NLRC3: variants seen among roughly 807,000 people sequenced by gnomAD.
NLRC3 encodes the protein NLR family CARD domain containing 3.
A neutral mutation model predicts 91.6 loss-of-function variants in NLRC3; 87 were observed. The observed-to-expected ratio is 0.95, with a 90% CI of 0.80 to 1.14. The LOEUF (loss-of-function observed/expected upper bound fraction) is 1.14, where lower values mean the gene tolerates loss of function less well. NLRC3 is among the 50% of genes most tolerant of loss of function. The pLI, the probability that NLRC3 is intolerant of heterozygous loss-of-function variation, is 0.00. For missense variants in NLRC3, 1,577 were observed against 1,418.6 expected (o/e 1.11, Z -1.79); for synonymous variants, 694 against 625.3 (o/e 1.11, Z -1.64).
intron 10 of NLRC3, among the ~76,000 whole-genome samples, chr16:3,551,073 C>G (rs2038968583): frequency 6.6e-6 from 1 of 151,944 alleles, no homozygotes; most frequent in Non-Finnish European, 1.5e-5. Flanking sequence ...ACCCATCAGT[C>G]CACTTAGCTA....
In NLRC3 at chr16:3,564,817, A is replaced by G; in HGVS notation, c.178+42T>C. 1.9e-6 allele frequency: 3 copies of G among 1,577,824 alleles called. No homozygotes were observed. The highest frequency in any genetic ancestry group is 2.6e-6 in the Non-Finnish European group (3 of 1,163,856). On this transcript the variant is annotated intron_variant, in intron 4 of 19. Transcript: ENST00000359128. The surrounding 1 kb of genome is among the most constrained non-coding windows in gnomAD (Gnocchi z 5.9). The stretch of plus-strand genomic sequence containing the variant: ...AGGGAAGAGTGGGCACAATCAGCCC[A>G]GGTGTTCCCCACCCCGCGTCTGCCT...
chr16:3,554,242 T>C lies in NLRC3; in HGVS notation c.2267A>G (p.His756Arg). 1 of 1,609,030 alleles carries C rather than the reference T, an allele frequency of 6.2e-7. No homozygotes were observed. Among genetic ancestry groups the C allele is most frequent in the Non-Finnish European group, 8.5e-7 (1 of 1,175,334 alleles). The change falls in exon 9 of 20, where the codon CAC becomes CGC. Residue 756 changes from histidine to arginine, a missense_variant and splice_region_variant. Coordinates refer to ENST00000359128, the MANE Select transcript of NLRC3 (RefSeq NM_178844.4). ...LASNRTLSML[H>R]LQKNSIGPMG... The stretch of plus-strand genomic sequence containing the variant: ...GGAGAGAGGAGATGTGTTCACTCAC[T>C]GCAGCATGGAGAGGGTCCGGTTGGA...
At chr16:3,559,053 T>C (rs2039485467) in intron 6 of NLRC3, among the ~76,000 whole-genome samples, 1 of 152,208 alleles carries the variant, frequency 6.6e-6, no homozygotes, top group Non-Finnish European at 1.5e-5. Context: ...ATTACAGGCA[T>C]GAGCCACCGT....
In NLRC3 at chr16:3,564,792, AG is replaced by A; in HGVS notation, c.179-35del. On this transcript the variant is annotated intron_variant, in intron 4 of 19. Coordinates refer to ENST00000359128, the MANE Select transcript of NLRC3 (RefSeq NM_178844.4). The surrounding 1 kb of genome is among the most constrained non-coding windows in gnomAD (Gnocchi z 5.9). ...CAGAGGCCAGTGGGGAGGTCTGGTA[AG>A]GGAAGAGTGGGCACAATCAGCCCAG... The A allele has an allele frequency of 6.4e-7, 1 of 1,566,962 alleles. No individual in the cohort carries two copies. The highest frequency in any genetic ancestry group is 1.7e-5 in the Admixed American group (1 of 57,328).
At chr16:3,556,162 C>G (rs1186392739) in intron 8 of NLRC3, among the ~76,000 whole-genome samples, 1 of 149,386 alleles carries the variant, frequency 6.7e-6, no homozygotes, top group Non-Finnish European at 1.5e-5. Context: ...AAGCTCGTCT[C>G]TACTAAAAAT....
intron 8 of NLRC3, among the ~76,000 whole-genome samples, chr16:3,555,302 T>A (rs1161104276): frequency 6.6e-6 from 1 of 151,564 alleles, no homozygotes; most frequent in Non-Finnish European, 1.5e-5. Flanking sequence ...GGATGAAGCT[T>A]AAAAACATCA....
At chr16:3,557,070 C>G (rs1051837395) in intron 7 of NLRC3, 76 bp from the exon 8 acceptor site, 1 of 1,038,856 alleles carries the variant, frequency 9.6e-7, no homozygotes, top group African/African-American at 1.6e-5. Flanking sequence ...CTGCATTGAC[C>G]TTGAAATTCG....
chr16:3,548,806 CG>C (rs2038837582), intron 13 of NLRC3, 53 bp from the exon 14 acceptor site: 1 of 1,277,872 alleles, frequency 7.8e-7, no homozygotes, highest in Admixed American at 2.1e-5. Flanking sequence ...GTGAAGCCTC[CG>C]GTCCTTGGTC....
At chr16:3,561,486 C>T (rs181910337) in intron 6 of NLRC3, among the ~76,000 whole-genome samples, 32 of 152,302 alleles carry the variant, frequency 2.1e-4, no homozygotes, top group Non-Finnish European at 3.8e-4. Context: ...TGTCTAGTCC[C>T]GCCAGGTCAC....
intron 7 of NLRC3, among the ~76,000 whole-genome samples, chr16:3,557,365 T>C (rs1329339301): frequency 2.0e-5 from 3 of 152,176 alleles, no homozygotes; most frequent in Non-Finnish European, 4.4e-5. Flanking sequence ...GCATGTGCGC[T>C]AAGGTGTGGC....
At chr16:3,554,628 G>C (rs370656651) in intron 8 of NLRC3, among the ~76,000 whole-genome samples, 1 of 152,206 alleles carries the variant, frequency 6.6e-6, no homozygotes, top group Admixed American at 6.5e-5. Flanking sequence ...CCAAGTGTTG[G>C]TGAGAATACA....
chr16:3,569,598 A>T (rs2040026387), intron 1 of NLRC3, among the ~76,000 whole-genome samples: 1 of 151,554 alleles, frequency 6.6e-6, no homozygotes, highest in African/African-American at 2.4e-5. Context: ...GGGTTTCACC[A>T]TGTTGACCAG....
chr16:3,576,099 CAGA>C (rs988161056), intron 1 of NLRC3, among the ~76,000 whole-genome samples: 14 of 150,582 alleles, frequency 9.3e-5, no homozygotes, highest in African/African-American at 3.1e-4. Flanking sequence ...CACCCTGGGA[CAGA>C]AGAAGAGGGG....
rs1192997524 is a variant in NLRC3 at position 3,563,321 on chromosome 16, T to A, written c.1616A>T (p.His539Leu). The change falls in exon 5 of 20, where the codon CAC becomes CTC. Residue 539 changes from histidine to leucine, a missense_variant. His to Leu is a moderately conservative substitution (Grantham distance 99, BLOSUM62 -3). Coordinates refer to ENST00000359128, the MANE Select transcript of NLRC3 (RefSeq NM_178844.4). ...LAGSLLAQGE[H>L]QAYRTQVAEL... ...AGCCACCTGGGTCCGGTAGGCCTGG[T>A]GCTCGCCTTGGGCCAGCAGGGAGCC... 2 of 1,597,110 alleles carry A rather than the reference T, an allele frequency of 1.3e-6. No individual in the cohort carries two copies. The highest frequency in any genetic ancestry group is 1.7e-6 in the Non-Finnish European group (2 of 1,173,080).
At chr16:3,566,010 A>G (rs986673937) in intron 2 of NLRC3, among the ~76,000 whole-genome samples, 42 of 151,342 alleles carry the variant, frequency 2.8e-4, no homozygotes, top group African/African-American at 1.0e-3. Flanking sequence ...ACGGCACTCC[A>G]GCCTGGGTGA....
intron 8 of NLRC3, chr16:3,555,909 A>C (rs1218696438): frequency 6.8e-6 from 1 of 147,334 alleles, no homozygotes; most frequent in Non-Finnish European, 1.5e-5. Context: ...TGGTACATGA[A>C]TTTCACCCTA....
rs2040309908 is a variant in NLRC3, at chr16:3,576,665, T to C, written c.-169+484A>G. Among the ~76,000 whole-genome samples, 4 of 152,066 alleles carry C rather than the reference T, an allele frequency of 2.6e-5. No individual in the cohort carries two copies. The South Asian group carries it at 8.3e-4, about 32-fold the overall frequency. On this transcript the variant is annotated intron_variant, in intron 1 of 19. Coordinates refer to ENST00000359128, the MANE Select transcript of NLRC3 (RefSeq NM_178844.4). ...CCTGTTTTTTCTTTTCTTTTTTGTT[T>C]TGTTTTGTTTTGTTTTGGAGACAGT...
intron 6 of NLRC3, among the ~76,000 whole-genome samples, chr16:3,560,713 G>A (rs2039569264): frequency 6.6e-6 from 1 of 152,060 alleles, no homozygotes; most frequent in African/African-American, 2.4e-5. Context: ...GCGCTGGAGT[G>A]CAGTGGTGCG....
chr16:3,555,963 TAAATAAATG>T (rs2039296757), intron 8 of NLRC3: 1 of 143,866 alleles, frequency 7.0e-6, no homozygotes, highest in Non-Finnish European at 1.5e-5. Context: ...AATAAATAAA[TAAATAAATG>T]AAAACAGAAC....
Sources: allele counts gnomAD v4.1 joint callset (sites outside exome capture counted in the v4.1 genomes callset), GRCh38; gene constraint gnomAD v4.1.1; non-coding constraint Gnocchi (gnomAD v3.1); transcripts MANE v1.5; gene names NCBI Gene and HGNC (gene_info 2026-07-23, HGNC 2026-07-21).